The following OLFM1 variants were observed in gnomAD, a reference collection of about 807,000 sequenced individuals.
OLFM1 encodes the protein noelin.
OLFM1 carries 9 observed loss-of-function variants against 49.7 expected under a neutral mutation model. That is an observed-to-expected ratio of 0.18 (90% CI 0.11 to 0.32). OLFM1 has a LOEUF of 0.32. OLFM1 is among the 10% of genes least tolerant of loss of function. The probability of loss-of-function intolerance (pLI) is 1.00; values close to 1 mark genes in which losing one functional copy is unlikely to be tolerated. For missense variants in OLFM1, 369 were observed against 661.8 expected (o/e 0.56, Z 4.85); for synonymous variants, 240 against 271.8 (o/e 0.88, Z 1.15).
chr9:135,091,061 A>G (rs1400711277), intron 2 of OLFM1, among the ~76,000 whole-genome samples: 1 of 152,250 alleles, frequency 6.6e-6, no homozygotes, highest in Non-Finnish European at 1.5e-5. Flanking sequence ...TTTGGCTCCC[A>G]AGGGGTGGAC....
rs903406805 is a variant in OLFM1, at chr9:135,113,580, G to A, written c.784-5924G>A. Among the ~76,000 whole-genome samples, 7 of 152,126 alleles carry A rather than the reference G, an allele frequency of 4.6e-5. No homozygotes were observed. The highest frequency in any genetic ancestry group is 6.5e-5 in the Admixed American group (1 of 15,288). The stretch of plus-strand genomic sequence containing the variant: ...ACTGGCGGTGGCTGGCGGTGGAGGC[G>A]CTTCTTGGTGCCGCATTAACAGGAG... On this transcript the variant is annotated intron_variant, in intron 5 of 5. Transcript: ENST00000371793. The surrounding 1 kb of genome is among the most constrained non-coding windows in gnomAD (Gnocchi z 4.0).
At chr9:135,103,034 C>T (rs113988829) in intron 4 of OLFM1, among the ~76,000 whole-genome samples, 2,468 of 152,328 alleles carry the variant, frequency 0.016, 25 homozygotes, top group Middle Eastern at 0.024. Context: ...CCTTGCACAG[C>T]GCTCTGCCCT....
At chr9:135,097,742 A>G in intron 3 of OLFM1, 3 of 1,529,530 alleles carry the variant, frequency 2.0e-6, no homozygotes, top group Non-Finnish European at 2.7e-6. Context: ...CAGGCTAGTG[A>G]GCTAGTTCTT....
upstream of OLFM1, chr9:135,086,683 T>C (rs780715749): frequency 5.0e-5 from 23 of 455,964 alleles, no homozygotes; most frequent in Non-Finnish European, 4.4e-6. Flanking sequence ...TTAACGTGTT[T>C]GACCCAGTCA....
intron 1 of OLFM1, among the ~76,000 whole-genome samples, chr9:135,081,639 G>A (rs376014434): frequency 3.3e-5 from 5 of 152,300 alleles, no homozygotes; most frequent in South Asian, 4.1e-4. Flanking sequence ...CCCTGTGCCC[G>A]TTAAATGTCT....
rs1831070130 is a variant in OLFM1 at position 135,114,531 on chromosome 9, C to T, written c.784-4973C>T. 1.3e-5 allele frequency among the ~76,000 whole-genome samples: 2 copies of T among 152,012 alleles called. 1 individual carries two copies. The highest frequency in any genetic ancestry group is 4.1e-4 in the South Asian group (2 of 4,822). On this transcript the variant is annotated intron_variant, in intron 5 of 5. Coordinates refer to ENST00000371793, the MANE Select transcript of OLFM1 (RefSeq NM_001282611.2). ...ATTCAGTCTACTATAAGAGTGGACACCTGCCTGCCTGGGGGTACAGGGGTT... is the reference window on the plus strand; with the variant it reads ...ATTCAGTCTACTATAAGAGTGGACATCTGCCTGCCTGGGGGTACAGGGGTT...
At chr9:135,076,204 C>T in intron 1 of OLFM1, 1 of 1,550,614 alleles carries the variant, frequency 6.4e-7, no homozygotes, top group Non-Finnish European at 8.7e-7. Context: ...CTTAGTCCTA[C>T]CCCCAACACA....
At chr9:135,086,891 C>T (rs990725017), upstream of OLFM1, among the ~76,000 whole-genome samples, 1 of 152,162 alleles carries the variant, frequency 6.6e-6, no homozygotes, top group Non-Finnish European at 1.5e-5. Context: ...CCCACACACC[C>T]ACCTCCCCAA....
At chr9:135,087,437 C>T (rs185016265), upstream of OLFM1, 1,609 of 1,543,458 alleles carry the variant, frequency 1.0e-3, 14 homozygotes, top group African/African-American at 0.019. Context: ...CCCGCGCCGC[C>T]GCCGGGTATT....
At chr9:135,091,967 G>A (rs1169083797) in intron 2 of OLFM1, among the ~76,000 whole-genome samples, 3 of 152,054 alleles carry the variant, frequency 2.0e-5, no homozygotes, top group Non-Finnish European at 4.4e-5. Context: ...CTTCCTGCAG[G>A]TTGGCCTTGG....
intron 5 of OLFM1, among the ~76,000 whole-genome samples, chr9:135,111,995 G>A (rs1021000560): frequency 8.5e-5 from 13 of 152,312 alleles, no homozygotes; most frequent in Middle Eastern, 3.4e-3. Context: ...GATTACAGGC[G>A]TGAGCCACCA....
At chr9:135,103,624 G>A (rs1830899658) in intron 4 of OLFM1, among the ~76,000 whole-genome samples, 1 of 152,230 alleles carries the variant, frequency 6.6e-6, no homozygotes, top group Admixed American at 6.5e-5. Flanking sequence ...GGCAGGGTGG[G>A]CCTGGGGCAG....
chr9:135,092,842 C>G (rs1482371146), intron 2 of OLFM1, among the ~76,000 whole-genome samples: 3 of 152,216 alleles, frequency 2.0e-5, no homozygotes, highest in Non-Finnish European at 4.4e-5. Context: ...GAAAGAGGGC[C>G]CTTGCTCCTT....
intron 4 of OLFM1, 21 bp from the exon 5 acceptor site, chr9:135,106,728 G>C: frequency 6.2e-7 from 1 of 1,608,422 alleles, no homozygotes; most frequent in Non-Finnish European, 8.5e-7. Context: ...TCCCTCTCCT[G>C]ACCTGCGTGC....
At chr9:135,093,075 T>C (rs1358390879) in intron 2 of OLFM1, among the ~76,000 whole-genome samples, 1 of 152,220 alleles carries the variant, frequency 6.6e-6, no homozygotes, top group Admixed American at 6.5e-5. Context: ...TCGGTATTTC[T>C]GTGCCCTGGC....
rs1428784423 is a variant in OLFM1 at position 135,098,734 on chromosome 9, C to T, written c.676+229C>T. 1.3e-5 allele frequency among the ~76,000 whole-genome samples: 2 copies of T among 151,930 alleles called. No homozygotes were observed. The highest frequency in any genetic ancestry group is 6.6e-5 in the Admixed American group (1 of 15,258). On this transcript the variant is annotated intron_variant, in intron 4 of 5. Coordinates refer to ENST00000371793, the MANE Select transcript of OLFM1 (RefSeq NM_001282611.2). The surrounding 1 kb of genome is among the most constrained non-coding windows in gnomAD (Gnocchi z 5.6). ...GGTCTTGTGCAGAGGCCACAGACCCCGCTGAGTCGCACATCTGGAAAAAAA... is the reference window on the plus strand; with the variant it reads ...GGTCTTGTGCAGAGGCCACAGACCCTGCTGAGTCGCACATCTGGAAAAAAA...
chr9:135,112,102 GCA>G (rs1412425939), intron 5 of OLFM1, among the ~76,000 whole-genome samples: 1 of 152,194 alleles, frequency 6.6e-6, no homozygotes, highest in African/African-American at 2.4e-5. Context: ...TGTGGGGGCA[GCA>G]CCAGTGGCTC....
chr9:135,114,351 G>A (rs1473720062), intron 5 of OLFM1, among the ~76,000 whole-genome samples: 2 of 151,762 alleles, frequency 1.3e-5, no homozygotes, highest in Non-Finnish European at 2.9e-5. Context: ...TCCTGACCTC[G>A]TGATCCGCCC....
chr9:135,094,620 T>C (rs190585972), intron 2 of OLFM1, among the ~76,000 whole-genome samples: 124 of 152,146 alleles, frequency 8.2e-4, no homozygotes, highest in African/African-American at 2.9e-3. Context: ...CAAGATGAGT[T>C]TGTGTGTGTT....
Sources: gnomAD v4.1 joint callset for allele counts (sites outside exome capture counted in the v4.1 genomes callset) on GRCh38, gnomAD v4.1.1 for gene constraint, Gnocchi (gnomAD v3.1) non-coding constraint, MANE v1.5 for transcripts, NCBI Gene and HGNC (gene_info 2026-07-23, HGNC 2026-07-21) for gene names.